Variants in TMOD4 observed in about 807,000 individuals in gnomAD.
The protein encoded by TMOD4 is tropomodulin 4, also known as tropomodulin-4.
Under a neutral mutation model 45.4 loss-of-function variants are expected in TMOD4, and 34 were observed. That is an observed-to-expected ratio of 0.75 (90% CI 0.57 to 1.00). The LOEUF (loss-of-function observed/expected upper bound fraction) is 1.00. Among genes scored for constraint, TMOD4 ranks in the 50% least tolerant of loss-of-function variants. The probability of loss-of-function intolerance (pLI) is 0.00; values close to 1 mark genes in which losing one functional copy is unlikely to be tolerated. For synonymous variants in TMOD4, 131 were observed against 153.9 expected (o/e 0.85, Z 1.10); for missense variants, 399 against 437.5 (o/e 0.91, Z 0.78).
intron 4 of TMOD4, among the ~76,000 whole-genome samples, 175 bp downstream of exon 4, chr1:151,173,324 T>A (rs900875132): frequency 2.0e-5 from 3 of 152,184 alleles, no homozygotes; most frequent in Non-Finnish European, 4.4e-5. Flanking sequence ...CTTGAGGTGT[T>A]ATTAAATTTA....
At chr1:151,172,807 T>A (rs1470089728) in intron 4 of TMOD4, among the ~76,000 whole-genome samples, 1 of 151,916 alleles carries the variant, frequency 6.6e-6, no homozygotes, top group African/African-American at 2.4e-5. Flanking sequence ...TAATTTTTTT[T>A]GTTGTTGTTT....
rs1409247893 is a variant in TMOD4, at chr1:151,171,514, C to A, written c.645G>T (p.Glu215Asp). Residue 215 changes from glutamate to aspartate, a missense_variant, in exon 7 of 10, where the codon GAG becomes GAT. By Grantham distance (45) the Glu-to-Asp change is conservative. Transcript: ENST00000295314. Reference protein sequence around the residue: ...IQDIPIPMLSELCEAMKANTY... With the variant: ...IQDIPIPMLSDLCEAMKANTY... ...TATTTGCCTTCATTGCCTCACACAG[C>A]TCACTTAGCATGGGTATTGGGATGT... The A allele has an allele frequency of 2.5e-6, 4 of 1,614,134 alleles. No individual in the cohort carries two copies. The Admixed American group carries it at 6.7e-5, about 27-fold the overall frequency.
In TMOD4 at chr1:151,174,392, C is replaced by T; in HGVS notation, c.279G>A (p.Lys93=). ...DDLVPFTGEK[K]GKPYIQPKRE... is the part of the protein sequence containing the mutation. ...GCATGGATGTCAGGGTCCCCATACC[C>T]TTCTTCTCGCCTGTGAAGGGCACCA... Residue 93 remains lysine (K), a splice_region_variant and synonymous_variant, in exon 3 of 10, where the codon AAG becomes AAA. Coordinates refer to ENST00000295314, the MANE Select transcript of TMOD4 (RefSeq NM_013353.3). 3 of 1,613,970 alleles carry T rather than the reference C, an allele frequency of 1.9e-6. No homozygotes were observed. The highest frequency in any genetic ancestry group is 2.5e-6 in the Non-Finnish European group (3 of 1,179,882).
intron 5 of TMOD4, 59 bp from the exon 6 acceptor site, chr1:151,171,822 G>T: frequency 6.4e-7 from 1 of 1,553,300 alleles, no homozygotes. Context: ...CCTCCCCATT[G>T]GTTTTCTTTT....
intron 2 of TMOD4, 99 bp from the exon 3 acceptor site, chr1:151,174,646 C>A (rs1558210420): frequency 1.3e-6 from 2 of 1,594,826 alleles, no homozygotes; most frequent in South Asian, 2.3e-5. Context: ...CCCTGGCCTT[C>A]TTAGGACCCT....
chr1:151,171,833 C>CT, intron 5 of TMOD4, 70 bp from the exon 6 acceptor site: 2 of 1,468,448 alleles, frequency 1.4e-6, no homozygotes, highest in Non-Finnish European at 1.8e-6. Flanking sequence ...GTTTTCTTTT[C>CT]TTTTCTTTTT....
In TMOD4 at chr1:151,173,584, G is replaced by A; in HGVS notation, c.312C>T (p.Ile104=). The A allele has an allele frequency of 6.2e-7, 1 of 1,614,194 alleles. No homozygotes were observed. Among genetic ancestry groups the A allele is most frequent in the Non-Finnish European group, 8.5e-7 (1 of 1,180,024 alleles). The change falls in exon 4 of 10, where the codon ATC becomes ATT. Residue 104 remains isoleucine (I), a synonymous_variant. Coordinates refer to ENST00000295314, the MANE Select transcript of TMOD4 (RefSeq NM_013353.3). ...CCAGGGTGATCTGCTCCTCTGCTGGGATTTCCCTCTTGGGCTGAATATAGG... is the reference window on the plus strand; with the variant it reads ...CCAGGGTGATCTGCTCCTCTGCTGGAATTTCCCTCTTGGGCTGAATATAGG... The part of the protein sequence containing the change: ...GKPYIQPKRE[I]PAEEQITLEP...
chr1:151,174,308 G>A (rs1684039693), intron 3 of TMOD4, 83 bp downstream of exon 3: 14 of 1,487,872 alleles, frequency 9.4e-6, no homozygotes, highest in South Asian at 1.2e-5. Context: ...GCTGGAAGGT[G>A]AGAGGGAAAC....
chr1:151,170,842 G>A, intron 8 of TMOD4, 78 bp downstream of exon 8: 1 of 1,560,616 alleles, frequency 6.4e-7, no homozygotes. Context: ...GATTAAGTAA[G>A]ATAGCTGCCC....
intron 1 of TMOD4, 43 bp downstream of exon 1, chr1:151,175,881 C>T (rs1684084100): frequency 6.6e-6 from 1 of 152,280 alleles, no homozygotes; most frequent in African/African-American, 2.4e-5. Context: ...CTCCCATCTC[C>T]CACCGGGCTC....
Position 151,170,636 on chromosome 1 carries a change from T to G in TMOD4, c.898A>C (p.Met300Leu). 6.2e-7 allele frequency: 1 copy of G among 1,614,076 alleles called. No homozygotes were observed. The highest frequency in any genetic ancestry group is 8.5e-7 in the Non-Finnish European group (1 of 1,180,018). The change falls in exon 9 of 10, where the codon ATG becomes CTG. Residue 300 changes from methionine (M) to leucine (L), a missense_variant. Physicochemically the swap from Met to Leu is conservative, Grantham distance 15. Transcript: ENST00000295314. ...QRQWPGDAVEMEMATVLEQCP... is the reference protein window; with the variant it reads ...QRQWPGDAVELEMATVLEQCP... ...TGCTCTAGCACGGTGGCCATCTCCA[T>G]CTCCACTGCATCACCAGGCCACTGG...
At position 151,174,473 on chromosome 1, in the gene TMOD4, C is replaced by T. The variant is rs17851567; in HGVS notation, c.198G>A (p.Glu66=). 25 of 1,614,068 alleles carry T rather than the reference C, an allele frequency of 1.5e-5. No individual in the cohort carries two copies. Among genetic ancestry groups the T allele is most frequent in the Admixed American group, 8.3e-5 (5 of 59,996 alleles). The stretch of plus-strand genomic sequence containing the variant: ...GTTGCTCCAAGTACTGCAAAAGGGC[C>T]TCTCGGTCCAGTGGCCCCGTTGGGC... The part of the protein sequence containing the change: ...KKSPTGPLDR[E]ALLQYLEQQA... Residue 66 remains glutamate, a synonymous_variant, in exon 3 of 10, where the codon GAG becomes GAA. Transcript: ENST00000295314.
At chr1:151,175,122 C>T (rs587665020) in intron 1 of TMOD4, 24 of 462,796 alleles carry the variant, frequency 5.2e-5, no homozygotes, top group African/African-American at 4.4e-4. Flanking sequence ...TCCAGCCACT[C>T]TGGATGGGGA....
At chr1:151,171,193 G>T in intron 7 of TMOD4, 130 bp from the exon 8 acceptor site, 2 of 1,096,678 alleles carry the variant, frequency 1.8e-6, no homozygotes, top group Admixed American at 4.2e-5. Flanking sequence ...TGGAGCTAGA[G>T]GGATACAGAA....
At chr1:151,170,388 A>G in intron 9 of TMOD4, 131 bp downstream of exon 9, 2 of 1,401,328 alleles carry the variant, frequency 1.4e-6, no homozygotes, top group Admixed American at 2.0e-5. Context: ...CACTCTTGGG[A>G]TTTGAAATTC....
Position 151,173,972 on chromosome 1 carries a change from T to C in TMOD4, c.281-357A>G, listed in dbSNP as rs923563010. ...GGCTCATGCCTGTAATCCCAGCACT[T>C]TGGGAGGCTAAGGCGGGCAGATCAC... On this transcript the variant is annotated intron_variant, in intron 3 of 9. Coordinates refer to ENST00000295314, the MANE Select transcript of TMOD4 (RefSeq NM_013353.3). 2.0e-5 allele frequency among the ~76,000 whole-genome samples: 3 copies of C among 151,896 alleles called. No individual in the cohort carries two copies. The East Asian group carries it at 5.8e-4, about 29-fold the overall frequency.
chr1:151,173,765 C>T (rs1011090611), intron 3 of TMOD4, 150 bp from the exon 4 acceptor site: 32 of 637,782 alleles, frequency 5.0e-5, no homozygotes, highest in Admixed American at 1.9e-4. Flanking sequence ...GAGTCCTTAG[C>T]CCCCTGATCT....
Position 151,174,789 on chromosome 1 carries a change from C to T in TMOD4, c.87G>A (p.Glu29=), listed in dbSNP as rs1553278069. The change falls in exon 2 of 10, where the codon GAG becomes GAA. Residue 29 remains glutamate, a synonymous_variant. Coordinates refer to ENST00000295314, the MANE Select transcript of TMOD4 (RefSeq NM_013353.3). ...ILRTLSPEEL[E]QLDCELQEMD... is the part of the protein sequence containing the mutation. ...TCTCCTGTAGTTCGCAGTCCAGCTG[C>T]TCTAGCTCCTCGGGGCTCAAGGTCC... is the stretch of plus-strand genomic sequence containing the variant. 4.3e-6 allele frequency: 7 copies of T among 1,614,140 alleles called. No homozygotes were observed. The South Asian group carries it at 4.4e-5, about 10-fold the overall frequency.
chr1:151,174,977 C>A (rs1684060179), intron 1 of TMOD4, 60 bp from the exon 2 acceptor site: 1 of 1,402,244 alleles, frequency 7.1e-7, no homozygotes, highest in African/African-American at 1.4e-5. Context: ...ACAGCAGGGA[C>A]ACAAAGAGAC....
Sources: allele counts gnomAD v4.1 joint callset (sites outside exome capture counted in the v4.1 genomes callset), GRCh38; gene constraint gnomAD v4.1.1; transcripts MANE v1.5; gene names NCBI Gene and HGNC (gene_info 2026-07-23, HGNC 2026-07-21).